ANTXR1: variants seen among roughly 807,000 people sequenced by gnomAD.
ANTXR1 encodes the protein ANTXR cell adhesion molecule 1.
Under a neutral mutation model 78.1 loss-of-function variants are expected in ANTXR1, and 19 were observed. That is an observed-to-expected ratio of 0.24 (90% CI 0.17 to 0.36). The LOEUF is 0.36. ANTXR1 is among the 10% of genes least tolerant of loss of function. The pLI is 1.00. For synonymous variants in ANTXR1, 273 were observed against 260.5 expected, an observed-to-expected ratio of 1.05 and a Z score of -0.46; for missense variants, 518 against 718.6, an observed-to-expected ratio of 0.72 and a Z score of 3.19.
At chr2:69,058,579 T>C (rs1670136972) in intron 3 of ANTXR1, among the ~76,000 whole-genome samples, 1 of 152,172 alleles carries the variant, frequency 6.6e-6, no homozygotes, top group African/African-American at 2.4e-5. Flanking sequence ...TCATTAGCAA[T>C]GCACCTGGTC....
At chr2:69,159,043 G>C (rs1305811789) in intron 13 of ANTXR1, among the ~76,000 whole-genome samples, 1 of 151,988 alleles carries the variant, frequency 6.6e-6, no homozygotes, top group Non-Finnish European at 1.5e-5. Flanking sequence ...CGATGCAGAA[G>C]GAGCCCACAG....
At position 69,245,487 on chromosome 2, in the gene ANTXR1, G is replaced by T. The variant is rs374110727; in HGVS notation, c.*2G>T. 2.8e-5 allele frequency: 45 copies of T among 1,612,704 alleles called. No homozygotes were observed. The highest frequency in any genetic ancestry group is 3.5e-5 in the Non-Finnish European group (41 of 1,179,614). ...CCTCCTCCAAGGCCTTCTGTCTAGA[G>T]CCCAAAGTTCCTGCTCTGGGCTCTC... On this transcript the variant is annotated 3_prime_UTR_variant, in exon 18 of 18. Coordinates refer to ENST00000303714, the MANE Select transcript of ANTXR1 (RefSeq NM_032208.3).
chr2:69,093,705 T>C (rs970299248), intron 9 of ANTXR1, among the ~76,000 whole-genome samples: 1 of 152,248 alleles, frequency 6.6e-6, no homozygotes, highest in Non-Finnish European at 1.5e-5. Flanking sequence ...TCCAAGGTTA[T>C]TTGGTAGAAC....
intron 12 of ANTXR1, among the ~76,000 whole-genome samples, chr2:69,136,178 A>G (rs932748740): frequency 1.3e-5 from 2 of 152,202 alleles, no homozygotes; most frequent in African/African-American, 4.8e-5. Flanking sequence ...GTACTGTACC[A>G]AAAGTAAAGA....
At chr2:69,042,067 T>C (rs1278447115) in intron 2 of ANTXR1, among the ~76,000 whole-genome samples, 2 of 152,028 alleles carry the variant, frequency 1.3e-5, no homozygotes, top group Non-Finnish European at 2.9e-5. Context: ...TTCATTTATT[T>C]ATTCATTTTA....
rs1351893413 is a variant in ANTXR1 at position 69,245,408 on chromosome 2, C to A, written c.1618C>A (p.Leu540Ile). ...TCCCATCCCGTCCCCACCTTCCACC[C>A]TTCCCCCTCCTCCCCAGGCTCCACC... ...TPPIPSPPST[L>I]PPPPQAPPPN... Residue 540 changes from leucine (L) to isoleucine (I), a missense_variant, in exon 18 of 18, where the codon CTT (leucine) becomes ATT (isoleucine). Transcript: ENST00000303714. The A allele has an allele frequency of 6.3e-7, 1 of 1,580,434 alleles. No homozygotes were observed. The highest frequency in any genetic ancestry group is 8.6e-7 in the Non-Finnish European group (1 of 1,163,742).
At chr2:69,112,462 T>C (rs544278708) in intron 10 of ANTXR1, among the ~76,000 whole-genome samples, 24 of 152,290 alleles carry the variant, frequency 1.6e-4, no homozygotes, top group Middle Eastern at 3.4e-3. Flanking sequence ...AGGTGACAGA[T>C]GTGTGCCTGA....
chr2:69,059,059 G>A (rs1315390982), intron 3 of ANTXR1, among the ~76,000 whole-genome samples: 1 of 152,192 alleles, frequency 6.6e-6, no homozygotes, highest in South Asian at 2.1e-4. Flanking sequence ...TTAACGATGA[G>A]CAAAGAAAGT....
At chr2:69,097,500 C>T (rs1671467536) in intron 9 of ANTXR1, among the ~76,000 whole-genome samples, 1 of 152,168 alleles carries the variant, frequency 6.6e-6, no homozygotes, top group African/African-American at 2.4e-5. Context: ...GTGGTGTATT[C>T]CTCTCACTTT....
chr2:69,014,483 C>CA (rs1670964102), intron 1 of ANTXR1, among the ~76,000 whole-genome samples: 1 of 152,080 alleles, frequency 6.6e-6, no homozygotes, highest in Non-Finnish European at 1.5e-5. Context: ...GGTTTCCTTG[C>CA]AAAAAGTGGT....
chr2:69,246,469 T>A lies in ANTXR1; in HGVS notation c.*984T>A, dbSNP rs1334230582. 6.6e-6 allele frequency: 1 copy of A among 152,156 alleles called. No individual in the cohort carries two copies. The highest frequency in any genetic ancestry group is 1.5e-5 in the Non-Finnish European group (1 of 68,058). The allele number at this position is 152,156 out of a possible 1,614,324, so 9.4% of individuals were successfully genotyped here. On this transcript the variant is annotated 3_prime_UTR_variant, in exon 18 of 18. Transcript: ENST00000303714. ...CTATCACACAATATCACTAGTTTTTTTTGTTTGTTTGTTTTTTGTTTTTTT... is the reference window on the plus strand; with the variant it reads ...CTATCACACAATATCACTAGTTTTTATTGTTTGTTTGTTTTTTGTTTTTTT...
intron 8 of ANTXR1, among the ~76,000 whole-genome samples, chr2:69,079,274 A>G (rs76280825): frequency 2.0e-5 from 3 of 152,218 alleles, no homozygotes; most frequent in Non-Finnish European, 4.4e-5. Flanking sequence ...AACAAGAACT[A>G]CAATAACCAT....
intron 16 of ANTXR1, among the ~76,000 whole-genome samples, chr2:69,183,610 T>C (rs1674339698): frequency 8.7e-6 from 1 of 115,252 alleles, no homozygotes; most frequent in African/African-American, 4.1e-5. Context: ...GAGGGACGGA[T>C]TTCACTATGT....
Position 69,013,701 on chromosome 2 carries a change from G to C in ANTXR1, c.152+50G>C. ...CACCCCAGGCTAAGCGGGCGAAAAC[G>C]CTTTCGCCCCGGGCCGGGCTCGTTG... On this transcript the variant is annotated intron_variant, in intron 1 of 17. Transcript: ENST00000303714. The surrounding 1 kb of genome is among the most constrained non-coding windows in gnomAD (Gnocchi z 5.0). The C allele has an allele frequency of 6.4e-7, 1 of 1,551,146 alleles. No individual in the cohort carries two copies. Among genetic ancestry groups the C allele is most frequent in the Non-Finnish European group, 8.7e-7 (1 of 1,146,722 alleles).
At chr2:69,223,975 C>T (rs1004132348) in intron 17 of ANTXR1, among the ~76,000 whole-genome samples, 2 of 152,210 alleles carry the variant, frequency 1.3e-5, no homozygotes, top group Admixed American at 6.5e-5. Flanking sequence ...ACTGTGTTCT[C>T]ATCTCCACCC....
At chr2:69,162,374 G>A (rs1441971310) in intron 13 of ANTXR1, among the ~76,000 whole-genome samples, 1 of 152,178 alleles carries the variant, frequency 6.6e-6, no homozygotes, top group Non-Finnish European at 1.5e-5. Context: ...ATGTGGGTGT[G>A]TATGTTTGTG....
chr2:69,231,401 A>C (rs1247884372), intron 17 of ANTXR1, among the ~76,000 whole-genome samples: 1 of 152,082 alleles, frequency 6.6e-6, no homozygotes, highest in South Asian at 2.1e-4. Context: ...CTTCGCAGCA[A>C]CTTTAGGAAG....
At chr2:69,125,456 C>A (rs1009171548) in intron 12 of ANTXR1, among the ~76,000 whole-genome samples, 2 of 152,146 alleles carry the variant, frequency 1.3e-5, no homozygotes, top group African/African-American at 4.8e-5. Context: ...GACTGAGAAC[C>A]CGTCAGCCTC....
chr2:69,062,514 C>T (rs189257439), intron 3 of ANTXR1, among the ~76,000 whole-genome samples: 96 of 152,260 alleles, frequency 6.3e-4, no homozygotes, highest in African/African-American at 2.1e-3. Context: ...ACAAAAGGTG[C>T]AGCCCAGCCC....
Sources: gnomAD v4.1 joint callset for allele counts (sites outside exome capture counted in the v4.1 genomes callset) on GRCh38, gnomAD v4.1.1 for gene constraint, Gnocchi (gnomAD v3.1) non-coding constraint, MANE v1.5 for transcripts, NCBI Gene and HGNC (gene_info 2026-07-23, HGNC 2026-07-21) for gene names.